ARNT2: variants seen among roughly 807,000 people sequenced by gnomAD.
The protein encoded by ARNT2 is aryl hydrocarbon receptor nuclear translocator 2.
ARNT2 carries 36 observed loss-of-function variants against 91.7 expected under a neutral mutation model. That is an observed-to-expected ratio of 0.39 (90% confidence interval 0.30 to 0.52). The LOEUF (loss-of-function observed/expected upper bound fraction) is 0.52. Ranked by LOEUF, ARNT2 falls within the 20% of genes least tolerant of loss-of-function variation. ARNT2 has a pLI of 0.72. For synonymous variants in ARNT2, 365 were observed against 347.1 expected (o/e 1.05, Z -0.57); for missense variants, 775 against 939.3 (o/e 0.83, Z 2.29).
chr15:80,454,884 C>T (rs1434903019), intron 2 of ARNT2, among the ~76,000 whole-genome samples: 2 of 152,146 alleles, frequency 1.3e-5, no homozygotes, highest in African/African-American at 2.4e-5. Flanking sequence ...TCAGGCTCAT[C>T]GACGGAAAAG....
intron 1 of ARNT2, among the ~76,000 whole-genome samples, chr15:80,427,006 T>A (rs1158290510): frequency 6.6e-6 from 1 of 152,152 alleles, no homozygotes; most frequent in African/African-American, 2.4e-5. Flanking sequence ...ATATAAGCCT[T>A]ATTGTCTCCT....
chr15:80,593,224 A>C (rs1428400699), intron 18 of ARNT2, among the ~76,000 whole-genome samples: 1 of 151,588 alleles, frequency 6.6e-6, no homozygotes, highest in African/African-American at 2.4e-5. Flanking sequence ...CTTCCACTCC[A>C]CTCTGCGTTG....
At chr15:80,469,088 A>G (rs1039139828) in intron 3 of ARNT2, among the ~76,000 whole-genome samples, 1 of 152,180 alleles carries the variant, frequency 6.6e-6, no homozygotes, top group Admixed American at 6.5e-5. Context: ...GAAACCCTAA[A>G]TCCTGCAGCA....
rs75937000 is a variant in ARNT2, at chr15:80,497,918, G to T, written c.623-10238G>T. Reference sequence around the variant, plus strand: ...AGGGAAGGACTTTCTAATACACTTCGTGTTGTGATTCCACTTTCGTGTTAG... The same window carrying T: ...AGGGAAGGACTTTCTAATACACTTCTTGTTGTGATTCCACTTTCGTGTTAG... On this transcript the variant is annotated intron_variant, in intron 5 of 18. Coordinates refer to ENST00000303329, the MANE Select transcript of ARNT2 (RefSeq NM_014862.4). 3.3e-5 allele frequency among the ~76,000 whole-genome samples: 5 copies of T among 152,308 alleles called. No individual in the cohort carries two copies. The East Asian group carries it at 9.6e-4, about 29-fold the overall frequency.
At chr15:80,435,897 A>T (rs944803487) in intron 1 of ARNT2, among the ~76,000 whole-genome samples, 1 of 152,144 alleles carries the variant, frequency 6.6e-6, no homozygotes, top group Non-Finnish European at 1.5e-5. Flanking sequence ...AAAGGAAAAA[A>T]ATGTGTTGAA....
chr15:80,592,033 G>GCACCCC (rs1316989385), intron 18 of ARNT2, among the ~76,000 whole-genome samples: 3 of 152,118 alleles, frequency 2.0e-5, no homozygotes. Flanking sequence ...AGAGCTGCAG[G>GCACCCC]CACCCCCAGG....
At chr15:80,417,925 C>T (rs1401832897) in intron 1 of ARNT2, among the ~76,000 whole-genome samples, 1 of 152,166 alleles carries the variant, frequency 6.6e-6, no homozygotes, top group Non-Finnish European at 1.5e-5. Flanking sequence ...GCTGGTTGTT[C>T]TCTTGTTCCT....
chr15:80,489,461 T>G (rs1282774591), intron 5 of ARNT2, among the ~76,000 whole-genome samples: 1 of 152,236 alleles, frequency 6.6e-6, no homozygotes, highest in Non-Finnish European at 1.5e-5. Context: ...GGTGATGACA[T>G]AAATTACTCT....
At chr15:80,461,889 A>G (rs574752687) in intron 3 of ARNT2, among the ~76,000 whole-genome samples, 16 of 152,190 alleles carry the variant, frequency 1.1e-4, no homozygotes, top group Non-Finnish European at 2.1e-4. Context: ...AATTCCAGTT[A>G]TCAAGTCACT....
chr15:80,543,082 G>T, intron 8 of ARNT2, among the ~76,000 whole-genome samples: 2 of 124,040 alleles, frequency 1.6e-5, no homozygotes, highest in African/African-American at 6.0e-5. Flanking sequence ...GGATAACAGA[G>T]CCAGACCCGG....
intron 8 of ARNT2, among the ~76,000 whole-genome samples, chr15:80,518,925 T>G (rs1459280842): frequency 6.6e-6 from 1 of 151,866 alleles, no homozygotes; most frequent in South Asian, 2.1e-4. Flanking sequence ...CTACCAGAGA[T>G]TGGGGGGGTG....
chr15:80,584,542 G>A (rs982933650), intron 17 of ARNT2, among the ~76,000 whole-genome samples: 1 of 152,036 alleles, frequency 6.6e-6, no homozygotes, highest in African/African-American at 2.4e-5. Context: ...AACAGAGCAG[G>A]TAAGAATCGG....
chr15:80,586,790 G>A (rs1377534648), intron 17 of ARNT2, among the ~76,000 whole-genome samples: 1 of 148,980 alleles, frequency 6.7e-6, no homozygotes, highest in Admixed American at 6.7e-5. Flanking sequence ...GCAGTGAGCC[G>A]AGATTGCACC....
In ARNT2 at chr15:80,533,553, C is replaced by T. The variant is rs115353843; in HGVS notation, c.878-17646C>T. Among the ~76,000 whole-genome samples the T allele has an allele frequency of 8.5e-3, 1,288 of 152,294 alleles. 17 individuals carry two copies. Among genetic ancestry groups the T allele is most frequent in the African/African-American group, 0.03 (1,231 of 41,566 alleles). ...TGGCCCTACACTTCAGATGCCCATC[C>T]TGCTCTGAGGGGCATTTTCAGCTTC... On this transcript the variant is annotated intron_variant, in intron 8 of 18. Transcript: ENST00000303329.
intron 1 of ARNT2, among the ~76,000 whole-genome samples, chr15:80,429,449 G>A (rs527362730): frequency 1.4e-4 from 21 of 152,320 alleles, no homozygotes; most frequent in African/African-American, 2.9e-4. Context: ...AAGGTGGGGC[G>A]CCTGGAGAGG....
intron 17 of ARNT2, among the ~76,000 whole-genome samples, chr15:80,590,075 G>A (rs1467511831): frequency 6.6e-6 from 1 of 152,138 alleles, no homozygotes; most frequent in Non-Finnish European, 1.5e-5. Flanking sequence ...GAGAGAGAGC[G>A]AGGGAGAGAG....
intron 18 of ARNT2, among the ~76,000 whole-genome samples, chr15:80,593,246 T>C (rs1189146535): frequency 6.6e-6 from 1 of 152,240 alleles, no homozygotes. Flanking sequence ...ATTTCTCTTA[T>C]ATTTTGGCCA....
chr15:80,523,125 A>T (rs1022073204), intron 8 of ARNT2, among the ~76,000 whole-genome samples: 1 of 152,162 alleles, frequency 6.6e-6, no homozygotes, highest in South Asian at 2.1e-4. Context: ...CTCATGTCCA[A>T]TGTCTCATGA....
chr15:80,443,319 G>A (rs62006384), intron 1 of ARNT2, among the ~76,000 whole-genome samples: 1 of 152,092 alleles, frequency 6.6e-6, no homozygotes, highest in South Asian at 2.1e-4. Flanking sequence ...ACAAGTTGAT[G>A]ATGGCAGGGA....
Sources: allele counts gnomAD v4.1 joint callset (sites outside exome capture counted in the v4.1 genomes callset), GRCh38; gene constraint gnomAD v4.1.1; transcripts MANE v1.5; gene names NCBI Gene and HGNC (gene_info 2026-07-23, HGNC 2026-07-21).